STK33: variants seen among roughly 807,000 people sequenced by gnomAD.
The protein encoded by STK33 is serine/threonine-protein kinase 33.
Under a neutral mutation model 58.0 loss-of-function variants are expected in STK33, and 52 were observed. The observed-to-expected ratio is 0.90, with a 90% CI of 0.72 to 1.13. STK33 has a LOEUF of 1.13. STK33 is among the 50% of genes most tolerant of loss of function. The probability of loss-of-function intolerance (pLI) is 0.00; values close to 1 mark genes in which losing one functional copy is unlikely to be tolerated. For missense variants in STK33, 630 were observed against 604.2 expected (o/e 1.04, Z -0.45); for synonymous variants, 215 against 200.1 (o/e 1.07, Z -0.63).
intron 11 of STK33, among the ~76,000 whole-genome samples, chr11:8,443,848 A>G (rs1311780056): frequency 6.6e-6 from 1 of 151,948 alleles, no homozygotes; most frequent in Non-Finnish European, 1.5e-5. Context: ...AAACAGAAAA[A>G]AGTTATCTGG....
intron 1 of STK33, among the ~76,000 whole-genome samples, chr11:8,587,734 C>T (rs1362975576): frequency 1.3e-5 from 2 of 152,148 alleles, no homozygotes; most frequent in Non-Finnish European, 2.9e-5. Flanking sequence ...AAAGGGCAAT[C>T]CTTCCTTTGC....
intron 6 of STK33, among the ~76,000 whole-genome samples, chr11:8,469,773 A>G (rs1001886123): frequency 1.3e-5 from 2 of 152,234 alleles, no homozygotes; most frequent in Non-Finnish European, 2.9e-5. Context: ...GTTAGCAGGC[A>G]TGAAAACAAC....
At chr11:8,446,679 C>T (rs1389068211) in intron 11 of STK33, among the ~76,000 whole-genome samples, 1 of 152,186 alleles carries the variant, frequency 6.6e-6, no homozygotes, top group African/African-American at 2.4e-5. Context: ...CTACAACCAT[C>T]TGATCTTTGA....
At chr11:8,357,933 G>A in the STK33 span, among the ~76,000 whole-genome samples, 1 of 152,240 alleles carries the variant, frequency 6.6e-6, no homozygotes, top group Admixed American at 6.5e-5. Flanking sequence ...CAGGTACTCA[G>A]CTCAGCTTGG....
At chr11:8,530,359 T>G (rs1356058334) in intron 1 of STK33, among the ~76,000 whole-genome samples, 1 of 151,458 alleles carries the variant, frequency 6.6e-6, no homozygotes, top group Admixed American at 6.6e-5. Context: ...AAAAGGAAAT[T>G]TACTGGTAAG....
chr11:8,551,897 C>T (rs891963744), intron 1 of STK33, among the ~76,000 whole-genome samples: 2 of 152,162 alleles, frequency 1.3e-5, no homozygotes, highest in Non-Finnish European at 2.9e-5. Flanking sequence ...AACTGTACCC[C>T]TTGCAGCACT....
intron 15 of STK33, among the ~76,000 whole-genome samples, chr11:8,402,836 G>T (rs1281779187): frequency 1.3e-5 from 2 of 152,134 alleles, no homozygotes; most frequent in Non-Finnish European, 2.9e-5. Context: ...ATTTTTCAGG[G>T]CTTTATTTTG....
chr11:8,562,191 T>C (rs1237735300), intron 1 of STK33, among the ~76,000 whole-genome samples: 1 of 151,528 alleles, frequency 6.6e-6, no homozygotes, highest in Non-Finnish European at 1.5e-5. Flanking sequence ...AGCAGTTAAC[T>C]AGCTTTGGTT....
At chr11:8,564,606 G>A (rs1202205720) in intron 1 of STK33, among the ~76,000 whole-genome samples, 1 of 152,176 alleles carries the variant, frequency 6.6e-6, no homozygotes, top group African/African-American at 2.4e-5. Context: ...AGAAAAGACT[G>A]AAGGAACTTG....
chr11:8,541,342 T>C (rs182961831), intron 1 of STK33, among the ~76,000 whole-genome samples: 657 of 152,296 alleles, frequency 4.3e-3, no homozygotes, highest in Middle Eastern at 6.8e-3. Flanking sequence ...TTTACAGTTT[T>C]ACATTTCCTG....
the STK33 span, among the ~76,000 whole-genome samples, chr11:8,367,830 TATGCACATTGAAC>T: frequency 2.0e-5 from 3 of 152,126 alleles, no homozygotes; most frequent in Admixed American, 2.0e-4. Flanking sequence ...CACACAATGA[TATGCACATTGAAC>T]ATGCAGACAA....
the STK33 span, among the ~76,000 whole-genome samples, chr11:8,343,492 G>A: frequency 1.3e-5 from 2 of 152,204 alleles, no homozygotes; most frequent in African/African-American, 4.8e-5. Flanking sequence ...TCAGTCAGCT[G>A]TCCCTGTGAG....
chr11:8,523,748 G>A (rs530439147), intron 1 of STK33, among the ~76,000 whole-genome samples: 6 of 148,830 alleles, frequency 4.0e-5, no homozygotes, highest in East Asian at 2.1e-4. Flanking sequence ...GGTGGGGGGC[G>A]CCTCTGCCCG....
At chr11:8,542,326 A>G (rs1180558105) in intron 1 of STK33, among the ~76,000 whole-genome samples, 3 of 152,380 alleles carry the variant, frequency 2.0e-5, no homozygotes, top group Middle Eastern at 3.4e-3. Flanking sequence ...ACAGACAAAA[A>G]TCACATGGAA....
the STK33 span, among the ~76,000 whole-genome samples, chr11:8,370,258 C>G: frequency 3.3e-3 from 496 of 152,078 alleles, 7 homozygotes; most frequent in African/African-American, 0.011. Context: ...AGTATAGTGG[C>G]ACGATCATAG....
intron 1 of STK33, among the ~76,000 whole-genome samples, chr11:8,557,762 G>T (rs1262960559): frequency 6.6e-6 from 1 of 150,882 alleles, no homozygotes; most frequent in Non-Finnish European, 1.5e-5. Flanking sequence ...CCTCAAAAAA[G>T]ATAACTAAGC....
the STK33 span, among the ~76,000 whole-genome samples, chr11:8,362,698 G>A: frequency 1.3e-5 from 2 of 152,126 alleles, no homozygotes; most frequent in Non-Finnish European, 2.9e-5. Context: ...CTCTAGAGCT[G>A]GGATCAGGCC....
At chr11:8,349,657 A>G in the STK33 span, among the ~76,000 whole-genome samples, 105 of 152,346 alleles carry the variant, frequency 6.9e-4, no homozygotes, top group African/African-American at 2.2e-3. Flanking sequence ...GCCTTGGCCA[A>G]TGACCAAGGG....
chr11:8,340,036 G>A, the STK33 span, among the ~76,000 whole-genome samples: 5 of 152,270 alleles, frequency 3.3e-5, no homozygotes, highest in Admixed American at 2.6e-4. Flanking sequence ...GAGCAGCTGA[G>A]GGCCTTGGGG....
Sources: allele counts gnomAD v4.1 joint callset (sites outside exome capture counted in the v4.1 genomes callset), GRCh38; gene constraint gnomAD v4.1.1; transcripts MANE v1.5; gene names NCBI Gene and HGNC (gene_info 2026-07-23, HGNC 2026-07-21).